The following TBXAS1 variants were observed in gnomAD, a reference collection of about 807,000 sequenced individuals.
TBXAS1 encodes the protein thromboxane-A synthase.
In TBXAS1, 48 loss-of-function variants were observed where a neutral mutation model predicts 60.7. The observed-to-expected ratio is 0.79, with a 90% CI of 0.63 to 1.01. TBXAS1 has a LOEUF of 1.01. TBXAS1 is among the 50% of genes least tolerant of loss of function. The pLI, the probability that TBXAS1 is intolerant of heterozygous loss-of-function variation, is 0.00. For synonymous variants in TBXAS1, 287 were observed against 269.7 expected (o/e 1.06, Z -0.63); for missense variants, 685 against 686.3 (o/e 1.00, Z 0.02).
chr7:139,951,907 G>GAAAGAA (rs1334417048), intron 5 of TBXAS1, among the ~76,000 whole-genome samples: 2,791 of 40,156 alleles, frequency 0.07, 350 homozygotes, highest in African/African-American at 0.24. Context: ...AGGAAAGAAA[G>GAAAGAA]AGAAAGAAAG....
chr7:139,943,086 G>T (rs886653747), intron 5 of TBXAS1, among the ~76,000 whole-genome samples: 1 of 152,164 alleles, frequency 6.6e-6, no homozygotes, highest in Non-Finnish European at 1.5e-5. Flanking sequence ...GGCTTCTAAG[G>T]CAGAACACGC....
Position 139,984,636 on chromosome 7 carries a change from G to GGGAGAAAGAAAGAAAGAA in TBXAS1, c.1134+22403_1134+22404insGGAGAAAGAAAGAAAGAA, listed in dbSNP as rs1554503287. 2.0e-4 allele frequency among the ~76,000 whole-genome samples: 14 copies of GGGAGAAAGAAAGAAAGAA among 70,966 alleles called. 1 individual carries two copies. The highest frequency in any genetic ancestry group is 6.0e-4 in the Admixed American group (4 of 6,622). 46.6% of individuals were successfully genotyped at this position (70,966 alleles called of 152,430 possible). Reference sequence around the variant, plus strand: ...AGAAAGAGAGAGAGAGAGAGAGAGAGAGAGAGAAAGAAAGAAAGGGAAGGG... The same window carrying GGGAGAAAGAAAGAAAGAA: ...AGAAAGAGAGAGAGAGAGAGAGAGAGGGAGAAAGAAAGAAAGAAAGAGAGAAAGAAAGAAAGGGAAGGG... On this transcript the variant is annotated intron_variant, in intron 9 of 12. Coordinates refer to ENST00000448866, the MANE Select transcript of TBXAS1 (RefSeq NM_001061.7).
intron 9 of TBXAS1, among the ~76,000 whole-genome samples, chr7:140,003,567 GAAAGAGT>G (rs1813847288): frequency 6.6e-6 from 1 of 152,184 alleles, no homozygotes; most frequent in Non-Finnish European, 1.5e-5. Flanking sequence ...CCTATCTAGG[GAAAGAGT>G]AAAGACTTTG....
chr7:139,951,366 T>C (rs1809238236), intron 5 of TBXAS1, among the ~76,000 whole-genome samples: 1 of 151,922 alleles, frequency 6.6e-6, no homozygotes, highest in Admixed American at 6.6e-5. Flanking sequence ...AATACTGTAT[T>C]CCACTTATGA....
At chr7:139,876,980 A>G (rs1010031940) in intron 3 of TBXAS1, among the ~76,000 whole-genome samples, 1 of 152,262 alleles carries the variant, frequency 6.6e-6, no homozygotes, top group Non-Finnish European at 1.5e-5. Context: ...GCAGGTTCTC[A>G]TGGTAAGGGC....
intron 5 of TBXAS1, among the ~76,000 whole-genome samples, chr7:139,949,054 C>A (rs369893298): frequency 6.6e-6 from 1 of 152,138 alleles, no homozygotes; most frequent in African/African-American, 2.4e-5. Flanking sequence ...AGCAGAGTAT[C>A]GCAGAAAATT....
intron 4 of TBXAS1, among the ~76,000 whole-genome samples, chr7:139,818,211 T>C (rs1171008226): frequency 6.6e-6 from 1 of 152,164 alleles, no homozygotes; most frequent in Non-Finnish European, 1.5e-5. Context: ...TGGTGGCTAC[T>C]CTAAGTCCTG....
At chr7:140,000,213 T>C (rs557913992) in intron 9 of TBXAS1, among the ~76,000 whole-genome samples, 12 of 152,354 alleles carry the variant, frequency 7.9e-5, no homozygotes, top group African/African-American at 2.9e-4. Flanking sequence ...TGTATTTAAA[T>C]ATTGGGCCAG....
At chr7:139,828,740 T>C (rs1798519909), upstream of TBXAS1, among the ~76,000 whole-genome samples, 2 of 152,288 alleles carry the variant, frequency 1.3e-5, no homozygotes, top group African/African-American at 4.8e-5. Context: ...CAACTCACCA[T>C]GAGAACACTG....
At chr7:139,874,765 C>T (rs1452203799) in intron 2 of TBXAS1, among the ~76,000 whole-genome samples, 1 of 152,084 alleles carries the variant, frequency 6.6e-6, no homozygotes, top group Non-Finnish European at 1.5e-5. Flanking sequence ...GCATTTTCCA[C>T]CCCTCCGTCA....
At chr7:139,811,701 T>C (rs566539982) in intron 4 of TBXAS1, among the ~76,000 whole-genome samples, 1 of 152,304 alleles carries the variant, frequency 6.6e-6, no homozygotes, top group African/African-American at 2.4e-5. Flanking sequence ...AAGATGGAAA[T>C]AGAAAATGAC....
At chr7:139,832,724 C>A (rs1158373494) in intron 1 of TBXAS1, among the ~76,000 whole-genome samples, 1 of 152,158 alleles carries the variant, frequency 6.6e-6, no homozygotes, top group Non-Finnish European at 1.5e-5. Context: ...AACCAGGTAA[C>A]CTATAAAGGA....
At chr7:139,929,400 G>A (rs1057309356) in intron 4 of TBXAS1, among the ~76,000 whole-genome samples, 5 of 152,108 alleles carry the variant, frequency 3.3e-5, no homozygotes, top group African/African-American at 1.2e-4. Context: ...TGGAGTGATG[G>A]CTAATTTAGT....
chr7:139,816,913 C>T (rs1353544485), intron 4 of TBXAS1, among the ~76,000 whole-genome samples: 1 of 152,090 alleles, frequency 6.6e-6, no homozygotes, highest in African/African-American at 2.4e-5. Flanking sequence ...ACTCCACAGC[C>T]CTAGTCACCT....
intron 4 of TBXAS1, 54 bp from the exon 5 acceptor site, chr7:139,936,137 C>T: frequency 4.4e-6 from 7 of 1,573,772 alleles, no homozygotes; most frequent in Non-Finnish European, 6.1e-6. Context: ...GTATTGCCAC[C>T]AAGGTGGCTT....
intron 3 of TBXAS1, among the ~76,000 whole-genome samples, chr7:139,908,646 T>G (rs142366352): frequency 1.3e-5 from 2 of 152,288 alleles, no homozygotes; most frequent in East Asian, 3.9e-4. Context: ...CTTAAGTATA[T>G]CTTCTAAGTG....
intron 4 of TBXAS1, among the ~76,000 whole-genome samples, chr7:139,809,264 T>C (rs1797964933): frequency 7.9e-6 from 1 of 126,438 alleles, no homozygotes; most frequent in Non-Finnish European, 1.8e-5. Flanking sequence ...GATAGATAGA[T>C]AGATAGAACC....
chr7:139,946,753 T>G (rs566299090), intron 5 of TBXAS1, among the ~76,000 whole-genome samples: 1 of 152,218 alleles, frequency 6.6e-6, no homozygotes, highest in Non-Finnish European at 1.5e-5. Context: ...GTTTCTAATC[T>G]TTGTCACGAC....
chr7:139,816,453 T>C (rs1034479565), intron 4 of TBXAS1, among the ~76,000 whole-genome samples: 15 of 152,216 alleles, frequency 9.9e-5, no homozygotes, highest in African/African-American at 3.6e-4. Flanking sequence ...GTGCCATCTT[T>C]GAATCTAATG....
Sources: allele counts gnomAD v4.1 joint callset (sites outside exome capture counted in the v4.1 genomes callset), GRCh38; gene constraint gnomAD v4.1.1; transcripts MANE v1.5; gene names NCBI Gene and HGNC (gene_info 2026-07-23, HGNC 2026-07-21).